The following RFPL2 variants were observed in gnomAD, a reference collection of about 807,000 sequenced individuals.
The protein encoded by RFPL2 is ret finger protein-like 2.
A neutral mutation model predicts 17.8 loss-of-function variants in RFPL2; 13 were observed. That is an observed-to-expected ratio of 0.73 (90% CI 0.47 to 1.16). The LOEUF (loss-of-function observed/expected upper bound fraction) is 1.16. RFPL2 is among the 50% of genes most tolerant of loss of function. The probability of loss-of-function intolerance (pLI) is 0.00; values close to 1 mark genes in which losing one functional copy is unlikely to be tolerated. For synonymous variants in RFPL2, 189 were observed against 180.9 expected (o/e 1.04, Z -0.36); for missense variants, 431 against 479.3 (o/e 0.90, Z 0.94).
intron 2 of RFPL2, 126 bp from the exon 3 acceptor site, chr22:32,194,616 C>T (rs756346807): frequency 1.6e-5 from 15 of 967,220 alleles, no homozygotes; most frequent in Non-Finnish European, 2.0e-5. Context: ...GATTAAATTG[C>T]CTTTATATTA....
rs1173566443 is a variant in RFPL2 at position 32,190,917 on chromosome 22, A to G, written c.992T>C (p.Phe331Ser). 1.2e-6 allele frequency: 2 copies of G among 1,602,774 alleles called. No individual in the cohort carries two copies. Among genetic ancestry groups the G allele is most frequent in the Non-Finnish European group, 1.7e-6 (2 of 1,173,730 alleles). The stretch of plus-strand genomic sequence containing the variant: ...TGGCTCCTCAGCAGATACGCTCCTG[A>G]ATGTATAGACATGGGAACCACTTTC... Reference protein sequence around the residue: ...DAESGSHVYTFRSVSAEEPLR... With the variant: ...DAESGSHVYTSRSVSAEEPLR... Residue 331 changes from phenylalanine to serine, a missense_variant, in exon 5 of 5, where the codon TTC (phenylalanine) becomes TCC (serine). Coordinates refer to ENST00000652607, the MANE Select transcript of RFPL2 (RefSeq NM_001394555.1).
At chr22:32,195,336 CTT>C (rs1208190101) in intron 2 of RFPL2, among the ~76,000 whole-genome samples, 4 of 152,122 alleles carry the variant, frequency 2.6e-5, no homozygotes, top group Non-Finnish European at 5.9e-5. Context: ...TTTTTTTCCT[CTT>C]TACTTTCAGT....
At chr22:32,193,259 G>C in intron 3 of RFPL2, 67 bp from the exon 4 acceptor site, 1 of 1,613,248 alleles carries the variant, frequency 6.2e-7, no homozygotes, top group Non-Finnish European at 8.5e-7. Context: ...GTTGTGACAA[G>C]TGACAACCTT....
chr22:32,199,398 C>A (rs1256646029), intron 2 of RFPL2, among the ~76,000 whole-genome samples: 1 of 152,174 alleles, frequency 6.6e-6, no homozygotes, highest in East Asian at 1.9e-4. Flanking sequence ...AACCGGACTC[C>A]ACAGACAGAG....
intron 1 of RFPL2, chr22:32,203,207 C>T: frequency 1.8e-6 from 1 of 549,946 alleles, no homozygotes; most frequent in Non-Finnish European, 2.3e-6. Flanking sequence ...CAGCGCAGCC[C>T]GGGATAACTC....
At chr22:32,193,862 CAAAAAAAAAAA>C (rs136481) in intron 3 of RFPL2, among the ~76,000 whole-genome samples, 1 of 71,952 alleles carries the variant, frequency 1.4e-5, no homozygotes, top group East Asian at 5.7e-4. Flanking sequence ...GACACCATCT[CAAAAAAAAAAA>C]AAAAAAAAAA....
intron 2 of RFPL2, among the ~76,000 whole-genome samples, chr22:32,196,601 T>C (rs1267434397): frequency 6.6e-6 from 1 of 152,256 alleles, no homozygotes; most frequent in Non-Finnish European, 1.5e-5. Flanking sequence ...AGTCCAGTCC[T>C]GGTTTATCCT....
At chr22:32,193,309 G>T (rs3959626) in intron 3 of RFPL2, 117 bp from the exon 4 acceptor site, 4 of 1,594,164 alleles carry the variant, frequency 2.5e-6, no homozygotes, top group South Asian at 2.3e-5. Context: ...TTGTCACTCC[G>T]AGAATAAGAC....
chr22:32,203,033 G>C, intron 1 of RFPL2: 1 of 985,880 alleles, frequency 1.0e-6, no homozygotes, highest in Non-Finnish European at 1.2e-6. Flanking sequence ...AACAGGAGGA[G>C]GTGGCCGGGA....
chr22:32,195,847 C>T (rs1923273081), intron 2 of RFPL2, among the ~76,000 whole-genome samples: 1 of 152,072 alleles, frequency 6.6e-6, no homozygotes, highest in African/African-American at 2.4e-5. Flanking sequence ...CATATTTACC[C>T]CACAGTTGTG....
In RFPL2 at chr22:32,191,354, T is replaced by A. The variant is rs201131101; in HGVS notation, c.557-2A>T. Reference sequence around the variant, plus strand: ...TGTTGGCATCCAAGGTCATATCCACTGTGAAAAGGAAAAAAAGTTGCTCAG... The same window carrying A: ...TGTTGGCATCCAAGGTCATATCCACAGTGAAAAGGAAAAAAAGTTGCTCAG... On this transcript the variant is annotated splice_acceptor_variant, in intron 4 of 4. Transcript: ENST00000652607. LOFTEE classifies it high-confidence loss of function. 874 of 1,601,656 alleles carry A rather than the reference T, an allele frequency of 5.5e-4. 8 individuals carry two copies. The highest frequency in any genetic ancestry group is 4.5e-3 in the Middle Eastern group (27 of 5,994).
rs145245147 is a variant in RFPL2 at position 32,191,291 on chromosome 22, C to G, written c.618G>C (p.Arg206Ser). ...NNFLLISDDL[R>S]SVRSGRIRQN... Reference sequence around the variant, plus strand: ...GTCTGATGCGCCCACTTCGGACGCTCCTGAGGTCGTCAGAAATGAGGAGGA... The same window carrying G: ...GTCTGATGCGCCCACTTCGGACGCTGCTGAGGTCGTCAGAAATGAGGAGGA... The change falls in exon 5 of 5, where the codon AGG becomes AGC. Residue 206 changes from arginine to serine, a missense_variant. By Grantham distance (110) the Arg-to-Ser change is moderately radical. Coordinates refer to ENST00000652607, the MANE Select transcript of RFPL2 (RefSeq NM_001394555.1). 6.2e-7 allele frequency: 1 copy of G among 1,613,910 alleles called. No individual in the cohort carries two copies. The highest frequency in any genetic ancestry group is 1.7e-5 in the Admixed American group (1 of 60,016).
At chr22:32,192,377 ACT>A (rs1273188878) in intron 4 of RFPL2, among the ~76,000 whole-genome samples, 1 of 151,760 alleles carries the variant, frequency 6.6e-6, no homozygotes, top group African/African-American at 2.4e-5. Flanking sequence ...ACTGTCTGAA[ACT>A]CTCCCCACAC....
At chr22:32,202,019 G>A (rs190269255) in intron 2 of RFPL2, among the ~76,000 whole-genome samples, 1 of 152,168 alleles carries the variant, frequency 6.6e-6, no homozygotes, top group Non-Finnish European at 1.5e-5. Flanking sequence ...CTAAGATCAG[G>A]GTGCCAGCAG....
Position 32,191,294 on chromosome 22 carries a change from G to A in RFPL2, c.615C>T (p.Leu205=), listed in dbSNP as rs1250749152. 2 of 1,613,934 alleles carry A rather than the reference G, an allele frequency of 1.2e-6. No homozygotes were observed. Among genetic ancestry groups the A allele is most frequent in the Non-Finnish European group, 8.5e-7 (1 of 1,179,846 alleles). The change falls in exon 5 of 5, where the codon CTC becomes CTT. Residue 205 remains leucine (L), a synonymous_variant. Transcript: ENST00000652607. ...ANNFLLISDD[L]RSVRSGRIRQ... ...TGATGCGCCCACTTCGGACGCTCCT[G>A]AGGTCGTCAGAAATGAGGAGGAAGT... is the stretch of plus-strand genomic sequence containing the variant.
intron 2 of RFPL2, among the ~76,000 whole-genome samples, chr22:32,194,877 C>T (rs2413083): frequency 3.3e-5 from 5 of 152,092 alleles, no homozygotes; most frequent in East Asian, 1.9e-4. Context: ...GGTTTATTTC[C>T]GGCTTTGAAA....
intron 2 of RFPL2, among the ~76,000 whole-genome samples, chr22:32,198,432 C>A (rs902120752): frequency 6.6e-6 from 1 of 151,614 alleles, no homozygotes; most frequent in Non-Finnish European, 1.5e-5. Flanking sequence ...GAGCAAATGC[C>A]CACCGGGGTC....
In RFPL2 at chr22:32,191,251, G is replaced by C. The variant is rs201784010; in HGVS notation, c.658C>G (p.Leu220Val). 240 of 1,613,982 alleles carry C rather than the reference G, an allele frequency of 1.5e-4. No homozygotes were observed. In the African/African-American group the frequency reaches 2.6e-3, roughly 18 times the overall value. ...ACGGACACGTCAAATCTCTCGGCAAGGTCTTGCCGATTCTGTCTGATGCGC... is the reference window on the plus strand; with the variant it reads ...ACGGACACGTCAAATCTCTCGGCAACGTCTTGCCGATTCTGTCTGATGCGC... ...SGRIRQNRQDLAERFDVSVCI... is the reference protein window; with the variant it reads ...SGRIRQNRQDVAERFDVSVCI... The change falls in exon 5 of 5, where the codon CTT becomes GTT. Residue 220 changes from leucine to valine, a missense_variant. Coordinates refer to ENST00000652607, the MANE Select transcript of RFPL2 (RefSeq NM_001394555.1).
At chr22:32,200,761 G>T (rs756499731) in intron 2 of RFPL2, among the ~76,000 whole-genome samples, 4 of 151,994 alleles carry the variant, frequency 2.6e-5, no homozygotes, top group African/African-American at 7.2e-5. Context: ...CACTGCCCCT[G>T]ACCCCTGGAA....
Sources: allele counts gnomAD v4.1 joint callset (sites outside exome capture counted in the v4.1 genomes callset), GRCh38; gene constraint gnomAD v4.1.1; transcripts MANE v1.5; gene names NCBI Gene and HGNC (gene_info 2026-07-23, HGNC 2026-07-21).